Variants in POLD3 observed in about 807,000 individuals in gnomAD.
POLD3 encodes the protein DNA polymerase delta subunit 3.
POLD3 carries 19 observed loss-of-function variants against 58.2 expected under a neutral mutation model. The observed-to-expected ratio is 0.33, with a 90% CI of 0.23 to 0.48. The LOEUF (loss-of-function observed/expected upper bound fraction) is 0.48, where lower values mean the gene tolerates loss of function less well. Ranked by LOEUF, POLD3 falls within the 20% of genes least tolerant of loss-of-function variation. POLD3 has a pLI of 0.99. For missense variants in POLD3, 504 were observed against 545.5 expected, an observed-to-expected ratio of 0.92 and a Z score of 0.76; for synonymous variants, 172 against 193.5, an observed-to-expected ratio of 0.89 and a Z score of 0.92.
In POLD3 at chr11:74,607,540, A is replaced by G. The variant is rs2031731694; in HGVS notation, c.219+2746A>G. On this transcript the variant is annotated intron_variant, in intron 3 of 11. Transcript: ENST00000263681. ...CGCGGCCTCCCAAAGTGCTAGGATT[A>G]CAGGCGTGAGCCACCGCGCCTGGAC... 2.6e-5 allele frequency among the ~76,000 whole-genome samples: 4 copies of G among 151,822 alleles called. No individual in the cohort carries two copies. The South Asian group carries it at 8.3e-4, about 32-fold the overall frequency.
intron 3 of POLD3, among the ~76,000 whole-genome samples, chr11:74,605,086 A>C (rs994585509): frequency 6.6e-6 from 1 of 152,200 alleles, no homozygotes; most frequent in East Asian, 1.9e-4. Context: ...TATGGAGAAC[A>C]ATGGTGTTTA....
intron 2 of POLD3, among the ~76,000 whole-genome samples, chr11:74,595,717 A>T (rs1382353417): frequency 2.0e-5 from 3 of 152,286 alleles, no homozygotes; most frequent in Admixed American, 2.0e-4. Flanking sequence ...CCCTGGGCTC[A>T]GGTGATTTTC....
At chr11:74,595,885 A>G (rs565318148) in intron 2 of POLD3, among the ~76,000 whole-genome samples, 19 of 152,110 alleles carry the variant, frequency 1.2e-4, no homozygotes, top group East Asian at 3.9e-4. Flanking sequence ...TGGCCTCCCA[A>G]AGTGCTGGGA....
intron 4 of POLD3, among the ~76,000 whole-genome samples, chr11:74,649,933 A>G (rs531075673): frequency 1.3e-3 from 205 of 152,308 alleles, no homozygotes; most frequent in African/African-American, 4.7e-3. Context: ...TTGATGTTGT[A>G]GAAAGTCCTT....
intron 4 of POLD3, among the ~76,000 whole-genome samples, chr11:74,665,690 A>G (rs1459637948): frequency 1.3e-5 from 2 of 152,050 alleles, no homozygotes; most frequent in Non-Finnish European, 2.9e-5. Context: ...ATGAGCCACC[A>G]TGCCTGGCCC....
At chr11:74,595,005 C>T (rs577550685) in intron 2 of POLD3, 2 of 152,294 alleles carry the variant, frequency 1.3e-5, no homozygotes, top group Admixed American at 1.3e-4. Context: ...ATTGCTGGGT[C>T]ATGAGATAAT....
At chr11:74,629,843 A>G (rs1250040848) in intron 9 of POLD3, among the ~76,000 whole-genome samples, 2 of 152,176 alleles carry the variant, frequency 1.3e-5, no homozygotes, top group Non-Finnish European at 2.9e-5. Context: ...GAACATTAAT[A>G]TGCTTTTAAA....
intron 7 of POLD3, among the ~76,000 whole-genome samples, chr11:74,623,698 G>T (rs924009327): frequency 2.0e-5 from 3 of 152,076 alleles, no homozygotes; most frequent in African/African-American, 7.2e-5. Context: ...GGTCATAATT[G>T]GTTATCTTTA....
intron 3 of POLD3, among the ~76,000 whole-genome samples, chr11:74,608,309 C>G (rs528758617): frequency 6.6e-6 from 1 of 152,052 alleles, no homozygotes; most frequent in Non-Finnish European, 1.5e-5. Context: ...TTATTAGAGA[C>G]GAGGTCTCAC....
chr11:74,607,248 T>TA (rs1565114139), intron 3 of POLD3, among the ~76,000 whole-genome samples: 3,485 of 95,934 alleles, frequency 0.036, 145 homozygotes, highest in African/African-American at 0.15. Flanking sequence ...TATTATATAT[T>TA]TATTTATTTA....
Position 74,629,403 on chromosome 11 carries a change from A to G in POLD3, c.1006+80A>G, listed in dbSNP as rs571817357. Reference sequence around the variant, plus strand: ...AAGGAGCTAAAAAAGTAATGGATTAAGGATCACAATGAGAGTAGTAATTCT... The same window carrying G: ...AAGGAGCTAAAAAAGTAATGGATTAGGGATCACAATGAGAGTAGTAATTCT... On this transcript the variant is annotated intron_variant, in intron 9 of 11. Coordinates refer to ENST00000263681, the MANE Select transcript of POLD3 (RefSeq NM_006591.3). 210 of 748,688 alleles carry G rather than the reference A, an allele frequency of 2.8e-4. No homozygotes were observed. In the Admixed American group the frequency reaches 4.7e-3, roughly 17 times the overall value. The allele number at this position is 748,688 out of a possible 1,614,324, so 46.4% of individuals were successfully genotyped here.
intron 8 of POLD3, 170 bp from the exon 9 acceptor site, chr11:74,629,047 G>T: frequency 2.2e-6 from 1 of 464,878 alleles, no homozygotes; most frequent in Non-Finnish European, 3.8e-6. Flanking sequence ...ACTTAGTTGT[G>T]GTCAGTTAGC....
intron 4 of POLD3, among the ~76,000 whole-genome samples, chr11:74,666,528 G>A (rs1043485151): frequency 7.9e-5 from 12 of 152,048 alleles, no homozygotes; most frequent in African/African-American, 1.2e-4. Context: ...GGCTGAGGCC[G>A]GAGAATCACC....
chr11:74,664,297 A>G (rs954932092), intron 4 of POLD3, among the ~76,000 whole-genome samples: 7 of 152,220 alleles, frequency 4.6e-5, no homozygotes, highest in African/African-American at 1.7e-4. Context: ...AGAAAATGAA[A>G]ACATACATCC....
At chr11:74,668,415 T>C (rs550007335) in intron 4 of POLD3, among the ~76,000 whole-genome samples, 11 of 152,322 alleles carry the variant, frequency 7.2e-5, no homozygotes, top group African/African-American at 1.9e-4. Flanking sequence ...AATATTGATA[T>C]ATACCATTAC....
intron 4 of POLD3, among the ~76,000 whole-genome samples, chr11:74,664,637 C>A (rs530658398): frequency 4.0e-5 from 6 of 151,184 alleles, no homozygotes; most frequent in African/African-American, 1.2e-4. Flanking sequence ...CAGAAATCCT[C>A]AAAAAAAAAT....
chr11:74,616,103 C>T (rs920429678), intron 5 of POLD3, among the ~76,000 whole-genome samples: 2 of 152,146 alleles, frequency 1.3e-5, no homozygotes, highest in East Asian at 1.9e-4. Context: ...AAAATCAGTT[C>T]CCTTGTTATA....
chr11:74,632,879 C>CACACACAG, intron 9 of POLD3, among the ~76,000 whole-genome samples: 1 of 33,450 alleles, frequency 3.0e-5, no homozygotes, highest in Non-Finnish European at 1.4e-4. Context: ...TAAGTAAATA[C>CACACACAG]ACACACACAC....
At chr11:74,657,274 A>C (rs2047793785) in intron 4 of POLD3, among the ~76,000 whole-genome samples, 1 of 151,878 alleles carries the variant, frequency 6.6e-6, no homozygotes, top group Non-Finnish European at 1.5e-5. Flanking sequence ...GTCTGTTTAC[A>C]TTCAATGTTA....
Sources: gnomAD v4.1 joint callset for allele counts (sites outside exome capture counted in the v4.1 genomes callset) on GRCh38, gnomAD v4.1.1 for gene constraint, MANE v1.5 for transcripts, NCBI Gene and HGNC (gene_info 2026-07-23, HGNC 2026-07-21) for gene names.